The following LIN52 variants were observed in gnomAD, a reference collection of about 807,000 sequenced individuals.
LIN52 encodes the protein lin-52 DREAM MuvB core complex component.
In LIN52, 4 loss-of-function variants were observed where a neutral mutation model predicts 18.5. The observed-to-expected ratio is 0.22, with a 90% CI of 0.11 to 0.49. The LOEUF is 0.49. Ranked by LOEUF, LIN52 falls within the 20% of genes least tolerant of loss-of-function variation. LIN52 has a pLI of 0.97. For synonymous variants in LIN52, 34 were observed against 45.5 expected (o/e 0.75, Z 1.02); for missense variants, 102 against 139.5 (o/e 0.73, Z 1.35).
At position 74,201,246 on chromosome 14, in the gene LIN52, T is replaced by C. The variant is rs907495343; in HGVS notation, c.*2269T>C. 6.6e-6 allele frequency: 1 copy of C among 151,610 alleles called. No individual in the cohort carries two copies. The highest frequency in any genetic ancestry group is 2.4e-5 in the African/African-American group (1 of 41,228). 9.4% of individuals were successfully genotyped at this position (151,610 alleles called of 1,614,324 possible). On this transcript the variant is annotated 3_prime_UTR_variant, in exon 6 of 6. Transcript: ENST00000555028. ...TATGTCCCTTTTACAGGAGGGTGAG[T>C]TTTTCCTCAGAGGGCCGAGTTGGAT...
intron 5 of LIN52, among the ~76,000 whole-genome samples, chr14:74,125,577 A>G (rs1454671713): frequency 6.6e-6 from 1 of 152,050 alleles, no homozygotes; most frequent in African/African-American, 2.4e-5. Context: ...GCCTTTAAAG[A>G]CACATTCACA....
chr14:74,108,312 A>G (rs940635082), intron 5 of LIN52, among the ~76,000 whole-genome samples: 4 of 152,210 alleles, frequency 2.6e-5, no homozygotes, highest in African/African-American at 7.2e-5. Context: ...GGCTACTTCA[A>G]ATAATGCTGC....
intron 5 of LIN52, among the ~76,000 whole-genome samples, chr14:74,130,295 T>TTTTTTTTTC (rs1315000657): frequency 7.1e-6 from 1 of 140,278 alleles, no homozygotes; most frequent in Non-Finnish European, 1.6e-5. Flanking sequence ...TTTTTTTTTT[T>TTTTTTTTTC]TGAGACAGTC....
chr14:74,124,810 C>CAAAAAAAAA (rs5809648), intron 5 of LIN52, among the ~76,000 whole-genome samples: 32 of 59,440 alleles, frequency 5.4e-4, no homozygotes, highest in South Asian at 8.4e-4. Context: ...GACCCTGTCT[C>CAAAAAAAAA]AAAAAAAAAA....
chr14:74,095,149 G>GTTTTTTTTTTTT (rs35455851), intron 2 of LIN52, among the ~76,000 whole-genome samples: 2 of 103,740 alleles, frequency 1.9e-5, no homozygotes, highest in Admixed American at 1.1e-4. Flanking sequence ...CCAACTAACT[G>GTTTTTTTTTTTT]TTTTTTTTTT....
At chr14:74,088,511 C>T (rs1158047013) in intron 1 of LIN52, among the ~76,000 whole-genome samples, 3 of 152,188 alleles carry the variant, frequency 2.0e-5, no homozygotes, top group Non-Finnish European at 4.4e-5. Context: ...ACATGAGCCA[C>T]TGTACCTGGC....
At chr14:74,167,880 G>A (rs1359018272) in intron 5 of LIN52, among the ~76,000 whole-genome samples, 1 of 152,002 alleles carries the variant, frequency 6.6e-6, no homozygotes, top group African/African-American at 2.4e-5. Context: ...TATCTACCTT[G>A]ACTACACCAT....
intron 5 of LIN52, among the ~76,000 whole-genome samples, chr14:74,133,015 A>T (rs1044707535): frequency 4.8e-4 from 68 of 141,512 alleles, no homozygotes; most frequent in African/African-American, 1.8e-3. Flanking sequence ...CCATATCTTT[A>T]AAAAAAAAAA....
At chr14:74,166,949 G>T (rs1009317979) in intron 5 of LIN52, among the ~76,000 whole-genome samples, 1 of 151,992 alleles carries the variant, frequency 6.6e-6, no homozygotes, top group Admixed American at 6.6e-5. Flanking sequence ...GGAATTGATG[G>T]TTCTTTTTTC....
rs925359065 is a variant in LIN52, at chr14:74,190,871, A to G, written c.284-8051A>G. On this transcript the variant is annotated intron_variant, in intron 5 of 5. Transcript: ENST00000555028. The stretch of plus-strand genomic sequence containing the variant: ...GTTACACCACCTGCTGAGGGCCACC[A>G]AGTGTCCTAATGGGATGAAGCTCCA... Among the ~76,000 whole-genome samples, 3 of 152,224 alleles carry G rather than the reference A, an allele frequency of 2.0e-5. No homozygotes were observed. In the South Asian group the frequency reaches 6.2e-4, roughly 32 times the overall value.
intron 5 of LIN52, among the ~76,000 whole-genome samples, chr14:74,155,190 T>A (rs2061194290): frequency 6.6e-6 from 1 of 152,202 alleles, no homozygotes; most frequent in African/African-American, 2.4e-5. Flanking sequence ...TAGATTTCAG[T>A]GTGCTAAAAC....
In LIN52 at chr14:74,184,717, T is replaced by C. The variant is rs556000410; in HGVS notation, c.284-14205T>C. Among the ~76,000 whole-genome samples the C allele has an allele frequency of 3.3e-5, 5 of 152,360 alleles. No individual in the cohort carries two copies. In the South Asian group the frequency reaches 1.0e-3, roughly 32 times the overall value. ...TCAAAGAAGAATGGCAGAAAAAATGTTAAATTTTTCCTCTTTTCATCTGTC... is the reference window on the plus strand; with the variant it reads ...TCAAAGAAGAATGGCAGAAAAAATGCTAAATTTTTCCTCTTTTCATCTGTC... On this transcript the variant is annotated intron_variant, in intron 5 of 5. Transcript: ENST00000555028.
chr14:74,149,075 C>T (rs1023755608), intron 5 of LIN52, among the ~76,000 whole-genome samples: 2 of 152,124 alleles, frequency 1.3e-5, no homozygotes, highest in East Asian at 1.9e-4. Flanking sequence ...CTGTGACAGG[C>T]GGTGATGATT....
intron 4 of LIN52, among the ~76,000 whole-genome samples, chr14:74,100,630 C>T (rs996829471): frequency 6.6e-6 from 1 of 152,178 alleles, no homozygotes; most frequent in African/African-American, 2.4e-5. Flanking sequence ...CGCCTGCCAC[C>T]ACACCCAGCT....
chr14:74,190,389 CT>C (rs68037994), intron 5 of LIN52, among the ~76,000 whole-genome samples: 1,362 of 106,260 alleles, frequency 0.013, 9 homozygotes, highest in African/African-American at 0.024. Flanking sequence ...GCCTAAATAA[CT>C]TTTTTTTTTT....
rs150406677 is a variant in LIN52, at chr14:74,148,213, C to T, written c.283+46975C>T. Among the ~76,000 whole-genome samples, 20 of 151,936 alleles carry T rather than the reference C, an allele frequency of 1.3e-4. No individual in the cohort carries two copies. The East Asian group carries it at 3.7e-3, about 28-fold the overall frequency. On this transcript the variant is annotated intron_variant, in intron 5 of 5. Transcript: ENST00000555028. ...AACTCTCCTCTTCCCTTTATTATTT[C>T]GCAAAATAGATTGGAAATAATCTCC...
At chr14:74,169,077 G>A (rs566793189) in intron 5 of LIN52, among the ~76,000 whole-genome samples, 1 of 152,118 alleles carries the variant, frequency 6.6e-6, no homozygotes, top group Non-Finnish European at 1.5e-5. Flanking sequence ...AATTTCCGGA[G>A]AGAAAGGAAT....
intron 5 of LIN52, among the ~76,000 whole-genome samples, chr14:74,125,291 T>C (rs1278122929): frequency 6.6e-6 from 1 of 152,232 alleles, no homozygotes; most frequent in Non-Finnish European, 1.5e-5. Flanking sequence ...TTCCTGACTT[T>C]TTAGTGATTG....
chr14:74,176,042 C>T (rs1303498154), intron 5 of LIN52, among the ~76,000 whole-genome samples: 6 of 152,160 alleles, frequency 3.9e-5, no homozygotes, highest in Admixed American at 1.3e-4. Flanking sequence ...GCATTACTCT[C>T]TTCTATCTCC....
Sources: gnomAD v4.1 joint callset for allele counts (sites outside exome capture counted in the v4.1 genomes callset) on GRCh38, gnomAD v4.1.1 for gene constraint, MANE v1.5 for transcripts, NCBI Gene and HGNC (gene_info 2026-07-23, HGNC 2026-07-21) for gene names.